ZFP90: variants seen among roughly 807,000 people sequenced by gnomAD.
ZFP90 encodes the protein ZFP90 zinc finger protein.
In ZFP90, 38 loss-of-function variants were observed where a neutral mutation model predicts 60.8. The observed-to-expected ratio is 0.62, with a 90% CI of 0.48 to 0.82. The LOEUF (loss-of-function observed/expected upper bound fraction) is 0.82, where lower values mean the gene tolerates loss of function less well. ZFP90 is among the 40% of genes least tolerant of loss of function. The pLI is 0.00. For missense variants in ZFP90, 711 were observed against 759.1 expected (o/e 0.94, Z 0.74); for synonymous variants, 287 against 264.8 (o/e 1.08, Z -0.82).
chr16:68,549,294 C>G (rs923648896), intron 2 of ZFP90, among the ~76,000 whole-genome samples: 2 of 152,180 alleles, frequency 1.3e-5, no homozygotes, highest in Non-Finnish European at 2.9e-5. Flanking sequence ...GGGCAAGACC[C>G]TCCATGCATG....
chr16:68,563,086 A>G lies in ZFP90; in HGVS notation c.299A>G (p.Gln100Arg). 1 of 1,614,176 alleles carries G rather than the reference A, an allele frequency of 6.2e-7. No homozygotes were observed. Among genetic ancestry groups the G allele is most frequent in the South Asian group, 1.1e-5 (1 of 91,080 alleles). ...GAAGTCAAATCATCACATTTGCAGC[A>G]GGATGTATCAGAAGTATCCCACTGC... ...RPEVKSSHLQ[Q>R]DVSEVSHCTH... Residue 100 changes from glutamine (Q) to arginine (R), a missense_variant, in exon 5 of 5, where the codon CAG (glutamine) becomes CGG (arginine). This residue lies in a region of ZFP90 where 241 missense variants were observed against 247.6 expected (regional missense o/e 0.97). Coordinates refer to ENST00000563169, the MANE Select transcript of ZFP90 (RefSeq NM_001305203.2).
intron 2 of ZFP90, among the ~76,000 whole-genome samples, chr16:68,543,199 T>C (rs1243176211): frequency 6.7e-6 from 1 of 149,234 alleles, no homozygotes; most frequent in Non-Finnish European, 1.5e-5. Flanking sequence ...AAGATGTATG[T>C]CTGGTGTATT....
chr16:68,574,267 A>G (rs2091582384), intron 2 of ZFP90: 1 of 135,520 alleles, frequency 7.4e-6, no homozygotes, highest in African/African-American at 2.8e-5. Flanking sequence ...GTTTTTCTTT[A>G]AGTTTCTCCT....
At position 68,565,884 on chromosome 16, in the gene ZFP90, G is replaced by A. The variant is rs1340273033; in HGVS notation, c.*1186G>A. 2 of 978,892 alleles carry A rather than the reference G, an allele frequency of 2.0e-6. No homozygotes were observed. Among genetic ancestry groups the A allele is most frequent in the African/African-American group, 1.8e-5 (1 of 56,940 alleles). The allele number at this position is 978,892 out of a possible 1,614,324, so 60.6% of individuals were successfully genotyped here. On this transcript the variant is annotated 3_prime_UTR_variant, in exon 5 of 5. Coordinates refer to ENST00000563169, the MANE Select transcript of ZFP90 (RefSeq NM_001305203.2). ...TCACACCTGTAATCCCAGCACTTTG[G>A]GTGGCTAAGGCAGATAGACTGCTTG... is the stretch of plus-strand genomic sequence containing the variant.
intron 2 of ZFP90, among the ~76,000 whole-genome samples, chr16:68,574,879 G>T (rs1005368981): frequency 7.3e-6 from 1 of 136,994 alleles, no homozygotes; most frequent in Middle Eastern, 4.3e-3. Flanking sequence ...AGCAGAGATT[G>T]TGCCACTGGC....
rs961198739 is a variant in ZFP90 at position 68,557,907 on chromosome 16, C to T, written c.34-91C>T. The T allele has an allele frequency of 2.6e-6, 4 of 1,543,528 alleles. No individual in the cohort carries two copies. In the East Asian group the frequency reaches 9.1e-5, roughly 35 times the overall value. Reference sequence around the variant, plus strand: ...CTCAATCTAACAAATGTGTGATCACCACTTCTGATAGCTCCTGCAGTATGT... The same window carrying T: ...CTCAATCTAACAAATGTGTGATCACTACTTCTGATAGCTCCTGCAGTATGT... On this transcript the variant is annotated intron_variant, in intron 2 of 4. Transcript: ENST00000563169.
In ZFP90 at chr16:68,564,175, C is replaced by T. The variant is rs761605342; in HGVS notation, c.1388C>T (p.Thr463Ile). Reference sequence around the variant, plus strand: ...TGTGGGGAAGACTTTAGTCACATTACAGACTTTACTGACCATCAGAGGATC... The same window carrying T: ...TGTGGGGAAGACTTTAGTCACATTATAGACTTTACTGACCATCAGAGGATC... ...NDCGEDFSHI[T>I]DFTDHQRIHT... The change falls in exon 5 of 5, where the codon ACA becomes ATA. Residue 463 changes from threonine (T) to isoleucine (I), a missense_variant. Physicochemically the swap from Thr to Ile is moderately conservative, Grantham distance 89. Transcript: ENST00000563169. 11 of 1,614,194 alleles carry T rather than the reference C, an allele frequency of 6.8e-6. No homozygotes were observed. The highest frequency in any genetic ancestry group is 9.3e-6 in the Non-Finnish European group (11 of 1,180,032).
downstream of ZFP90, among the ~76,000 whole-genome samples, chr16:68,571,131 T>C (rs929563779): frequency 6.6e-6 from 1 of 152,202 alleles, no homozygotes; most frequent in African/African-American, 2.4e-5. Context: ...GTTGAAGGAA[T>C]GTGCTGAGGG....
At chr16:68,536,166 G>A (rs1295456765), upstream of ZFP90, among the ~76,000 whole-genome samples, 2 of 152,168 alleles carry the variant, frequency 1.3e-5, no homozygotes, top group Admixed American at 1.3e-4. Context: ...TCTCTGGGAG[G>A]TACCAGTGCA....
Position 68,566,277 on chromosome 16 carries a change from C to A in ZFP90, c.*1579C>A, listed in dbSNP as rs115207241. ...TGTTGGTGTGTTGACATTGACCATG[C>A]AGACCAATTTGGGCACAACTGGACA... On this transcript the variant is annotated 3_prime_UTR_variant, in exon 5 of 5. Transcript: ENST00000563169. 1.0e-6 allele frequency: 1 copy of A among 985,590 alleles called. No individual in the cohort carries two copies. Among genetic ancestry groups the A allele is most frequent in the South Asian group, 4.7e-5 (1 of 21,290 alleles). 61.1% of individuals were successfully genotyped at this position (985,590 alleles called of 1,614,324 possible). A position where few individuals can be genotyped will look rare whatever the true frequency, so the allele number is the denominator to read the frequency against.
chr16:68,550,201 A>T (rs906844801), intron 2 of ZFP90, among the ~76,000 whole-genome samples: 3 of 152,216 alleles, frequency 2.0e-5, no homozygotes, highest in Admixed American at 6.5e-5. Flanking sequence ...TAAAATTACT[A>T]ATGAGGCATT....
chr16:68,556,886 A>G (rs1163284055), intron 2 of ZFP90, among the ~76,000 whole-genome samples: 2 of 152,224 alleles, frequency 1.3e-5, no homozygotes, highest in Non-Finnish European at 2.9e-5. Context: ...CCATGTGGAC[A>G]TGCAGGAGGC....
In ZFP90 at chr16:68,565,110, T is replaced by A; in HGVS notation, c.*412T>A. ...CTGCACTCAACTGCAGCTCTTACAT[T>A]AACTTCACCATGGAAACCAGTTCCA... On this transcript the variant is annotated 3_prime_UTR_variant, in exon 5 of 5. Transcript: ENST00000563169. 1.0e-6 allele frequency: 1 copy of A among 994,422 alleles called. No homozygotes were observed. The highest frequency in any genetic ancestry group is 4.5e-5 in the South Asian group (1 of 22,112). The allele number at this position is 994,422 out of a possible 1,614,324, so 61.6% of individuals were successfully genotyped here. A position where few individuals can be genotyped will look rare whatever the true frequency, so the allele number is the denominator to read the frequency against.
At chr16:68,573,448 A>G (rs914047639) in intron 2 of ZFP90, among the ~76,000 whole-genome samples, 2 of 152,252 alleles carry the variant, frequency 1.3e-5, no homozygotes, top group African/African-American at 4.8e-5. Context: ...ATTGCACCCC[A>G]GCCTGGGTGA....
At chr16:68,558,310 T>C in intron 3 of ZFP90, 163 bp from the exon 4 acceptor site, 1 of 1,157,890 alleles carries the variant, frequency 8.6e-7, no homozygotes, top group Non-Finnish European at 1.3e-6. Flanking sequence ...GTCTTTATTT[T>C]GCAAAACTGG....
chr16:68,540,874 G>T (rs1172590482), intron 2 of ZFP90, among the ~76,000 whole-genome samples: 1 of 143,260 alleles, frequency 7.0e-6, no homozygotes, highest in Non-Finnish European at 1.5e-5. Context: ...CTTTAAAAGA[G>T]CAGTTTATAG....
At chr16:68,554,636 A>G (rs762632098) in intron 2 of ZFP90, among the ~76,000 whole-genome samples, 3 of 151,738 alleles carry the variant, frequency 2.0e-5, no homozygotes, top group Non-Finnish European at 2.9e-5. Context: ...TTGAGTGCAG[A>G]CTCTTTGGGA....
rs946764037 is a variant in ZFP90, at chr16:68,567,037, C to A, written c.*2339C>A. ...CTTTCTTAGTCCCAACAGCCATGAA[C>A]CATGCACTTATGGATACCCAGCCTT... On this transcript the variant is annotated 3_prime_UTR_variant, in exon 5 of 5. Coordinates refer to ENST00000563169, the MANE Select transcript of ZFP90 (RefSeq NM_001305203.2). 4.1e-6 allele frequency: 4 copies of A among 985,564 alleles called. No homozygotes were observed. Among genetic ancestry groups the A allele is most frequent in the Non-Finnish European group, 4.8e-6 (4 of 829,948 alleles). The allele number at this position is 985,564 out of a possible 1,614,324, so 61.1% of individuals were successfully genotyped here.
At chr16:68,548,470 C>T (rs1259826754) in intron 2 of ZFP90, among the ~76,000 whole-genome samples, 1 of 102,562 alleles carries the variant, frequency 9.8e-6, no homozygotes, top group Non-Finnish European at 1.9e-5. Context: ...TTCTGTTTAT[C>T]CTCCTTTTTT....
Sources: allele counts gnomAD v4.1 joint callset (sites outside exome capture counted in the v4.1 genomes callset), GRCh38; gene constraint gnomAD v4.1.1; regional missense constraint gnomAD v4.1.1; transcripts MANE v1.5; gene names NCBI Gene and HGNC (gene_info 2026-07-23, HGNC 2026-07-21).